Variants in ANXA11 observed in about 807,000 individuals in gnomAD.
ANXA11 encodes 56 kDa autoantigen.
A neutral mutation model predicts 64.7 loss-of-function variants in ANXA11; 57 were observed. The observed-to-expected ratio is 0.88, with a 90% CI of 0.71 to 1.10. The LOEUF is 1.10. Ranked by LOEUF, ANXA11 falls within the 50% of genes least tolerant of loss-of-function variation. The pLI, the probability that ANXA11 is intolerant of heterozygous loss-of-function variation, is 0.00. For synonymous variants in ANXA11, 260 were observed against 265.2 expected, an observed-to-expected ratio of 0.98 and a Z score of 0.19; for missense variants, 675 against 670.7, an observed-to-expected ratio of 1.01 and a Z score of -0.07.
In ANXA11 at chr10:80,152,862, G is replaced by C. The variant is rs1845181003; in HGVS notation, c.*2991C>G. ...CCAGATGGTCACTCTCCCTTACAGG[G>C]GTCAATAGCTTCACTCTCTCTGGGT... On this transcript the variant is annotated 3_prime_UTR_variant, in exon 16 of 16. Coordinates refer to ENST00000422982, the MANE Select transcript of ANXA11 (RefSeq NM_145868.2). 6.6e-6 allele frequency: 1 copy of C among 152,210 alleles called. No homozygotes were observed. The highest frequency in any genetic ancestry group is 1.9e-4 in the East Asian group (1 of 5,194). 9.4% of individuals were successfully genotyped at this position (152,210 alleles called of 1,614,324 possible).
rs541344728 is a variant in ANXA11, at chr10:80,166,282, T to C, written c.745-85A>G. On this transcript the variant is annotated intron_variant, in intron 7 of 15. Transcript: ENST00000422982. Reference sequence around the variant, plus strand: ...CACAGGAAGTGACTAATAAGAGCCATATCCCAGATTTGAGGAACAGCAGCA... The same window carrying C: ...CACAGGAAGTGACTAATAAGAGCCACATCCCAGATTTGAGGAACAGCAGCA... 18 of 768,020 alleles carry C rather than the reference T, an allele frequency of 2.3e-5. No individual in the cohort carries two copies. In the African/African-American group the frequency reaches 3.2e-4, roughly 14 times the overall value. The allele number at this position is 768,020 out of a possible 1,614,324, so 47.6% of individuals were successfully genotyped here.
At chr10:80,200,557 T>TA (rs1320910819) in intron 1 of ANXA11, among the ~76,000 whole-genome samples, 1 of 152,182 alleles carries the variant, frequency 6.6e-6, no homozygotes, top group Non-Finnish European at 1.5e-5. Context: ...AGCTGGACTT[T>TA]AAAAAACTAC....
chr10:80,157,076 A>G, intron 15 of ANXA11: 1 of 981,546 alleles, frequency 1.0e-6, no homozygotes, highest in Non-Finnish European at 1.2e-6. Flanking sequence ...GCCTCACTCA[A>G]TACTCACAAC....
chr10:80,159,703 G>A (rs926477717), intron 12 of ANXA11, among the ~76,000 whole-genome samples: 3 of 152,130 alleles, frequency 2.0e-5, no homozygotes, highest in Admixed American at 6.5e-5. Flanking sequence ...CAGAGTCTTC[G>A]TCACAAGTTA....
At chr10:80,177,885 C>G (rs960942325) in intron 1 of ANXA11, among the ~76,000 whole-genome samples, 5 of 152,182 alleles carry the variant, frequency 3.3e-5, no homozygotes, top group Admixed American at 6.5e-5. Flanking sequence ...CAATCTCCCC[C>G]CAAGCTATCC....
intron 5 of ANXA11, 50 bp from the exon 6 acceptor site, chr10:80,167,363 C>T (rs1297572239): frequency 6.5e-7 from 1 of 1,543,706 alleles, no homozygotes; most frequent in South Asian, 1.1e-5. Context: ...CCGCCTTCCC[C>T]ACATTCAAGG....
intron 3 of ANXA11, among the ~76,000 whole-genome samples, chr10:80,172,227 G>T (rs1337851217): frequency 6.6e-6 from 1 of 152,152 alleles, no homozygotes; most frequent in East Asian, 1.9e-4. Context: ...GGCCAGAGAA[G>T]ACGACTTCTC....
At chr10:80,165,674 T>C (rs897184116) in intron 8 of ANXA11, among the ~76,000 whole-genome samples, 3 of 152,200 alleles carry the variant, frequency 2.0e-5, no homozygotes, top group Non-Finnish European at 2.9e-5. Context: ...TTCTCCACTT[T>C]TGTTGTTCTT....
chr10:80,155,643 T>A lies in ANXA11; in HGVS notation c.*210A>T. The A allele has an allele frequency of 1.8e-6, 1 of 540,612 alleles. No homozygotes were observed. Among genetic ancestry groups the A allele is most frequent in the Non-Finnish European group, 3.3e-6 (1 of 305,704 alleles). The allele number at this position is 540,612 out of a possible 1,614,324, so 33.5% of individuals were successfully genotyped here. A position where few individuals can be genotyped will look rare whatever the true frequency, so the allele number is the denominator to read the frequency against. On this transcript the variant is annotated 3_prime_UTR_variant, in exon 16 of 16. Transcript: ENST00000422982. ...TTTAGCAGCAAGAGGCTGTGAGGGA[T>A]GGGGTAGAAAAGGCATCCTGAGAGA...
intron 1 of ANXA11, among the ~76,000 whole-genome samples, chr10:80,188,309 T>C (rs1262394672): frequency 2.0e-5 from 3 of 151,860 alleles, no homozygotes; most frequent in African/African-American, 7.3e-5. Flanking sequence ...GCCACTGGGA[T>C]GGTACACAGG....
chr10:80,187,542 C>T (rs781131942), intron 1 of ANXA11, among the ~76,000 whole-genome samples: 5 of 146,802 alleles, frequency 3.4e-5, no homozygotes, highest in South Asian at 4.4e-4. Flanking sequence ...CATGTGCGCG[C>T]GTGCACACAC....
intron 1 of ANXA11, among the ~76,000 whole-genome samples, chr10:80,201,000 TG>T (rs1159737820): frequency 1.3e-5 from 2 of 152,148 alleles, no homozygotes; most frequent in Non-Finnish European, 2.9e-5. Context: ...CTTCTGGGAT[TG>T]GAAAGGGAGC....
At position 80,170,754 on chromosome 10, in the gene ANXA11, C is replaced by T. The variant is rs370634827; in HGVS notation, c.171+46G>A. On this transcript the variant is annotated intron_variant, in intron 4 of 15. Coordinates refer to ENST00000422982, the MANE Select transcript of ANXA11 (RefSeq NM_145868.2). ...CCAGCAGCTTTGATTCCTCTGGCCACGCAGGTGTGGCCCCAGGGCTGCCTC... is the reference window on the plus strand; with the variant it reads ...CCAGCAGCTTTGATTCCTCTGGCCATGCAGGTGTGGCCCCAGGGCTGCCTC... 25 of 1,411,424 alleles carry T rather than the reference C, an allele frequency of 1.8e-5. No homozygotes were observed. In the African/African-American group the frequency reaches 2.1e-4, roughly 12 times the overall value. The allele number at this position is 1,411,424 out of a possible 1,614,324, so 87.4% of individuals were successfully genotyped here. A position where few individuals can be genotyped will look rare whatever the true frequency, so the allele number is the denominator to read the frequency against.
intron 1 of ANXA11, among the ~76,000 whole-genome samples, chr10:80,189,057 G>A (rs1846662516): frequency 6.6e-6 from 1 of 152,178 alleles, no homozygotes. Context: ...ACCTGTGAAT[G>A]CGTTACTTTA....
intron 1 of ANXA11, among the ~76,000 whole-genome samples, chr10:80,191,128 G>C (rs1050994301): frequency 4.6e-5 from 7 of 152,082 alleles, no homozygotes; most frequent in Middle Eastern, 3.2e-3. Context: ...GAGAGGCTGA[G>C]GCAGGAGAAT....
At chr10:80,198,022 T>C (rs1840251511) in intron 1 of ANXA11, among the ~76,000 whole-genome samples, 1 of 151,950 alleles carries the variant, frequency 6.6e-6, no homozygotes, top group Non-Finnish European at 1.5e-5. Flanking sequence ...CAATGGAGTA[T>C]GCGGATGCCA....
intron 2 of ANXA11, chr10:80,173,162 T>G: frequency 2.4e-6 from 1 of 421,008 alleles, no homozygotes; most frequent in Non-Finnish European, 4.3e-6. Flanking sequence ...GCCCTCTCAC[T>G]GAAGCTTTGC....
Position 80,157,654 on chromosome 10 carries a change from T to C in ANXA11, c.1445A>G (p.Tyr482Cys). The change falls in exon 15 of 16, where the codon TAC (tyrosine) becomes TGC (cysteine). Residue 482 changes from tyrosine to cysteine, a missense_variant. By Grantham distance (194) the Tyr-to-Cys change is radical. Coordinates refer to ENST00000422982, the MANE Select transcript of ANXA11 (RefSeq NM_145868.2). Reference sequence around the variant, plus strand: ...GCAGGCCCGTACCGAGATGTCGTGGTACAGCGACTTGCCGTACATCCGCTT... The same window carrying C: ...GCAGGCCCGTACCGAGATGTCGTGGCACAGCGACTTGCCGTACATCCGCTT... ...EYKRMYGKSLYHDISGDTSGD... is the reference protein window; with the variant it reads ...EYKRMYGKSLCHDISGDTSGD... 2 of 1,613,710 alleles carry C rather than the reference T, an allele frequency of 1.2e-6. No homozygotes were observed. Among genetic ancestry groups the C allele is most frequent in the Non-Finnish European group, 1.7e-6 (2 of 1,179,774 alleles).
At chr10:80,163,271 G>A (rs1293472040) in intron 11 of ANXA11, 78 bp downstream of exon 11, 2 of 1,535,400 alleles carry the variant, frequency 1.3e-6, no homozygotes, top group African/African-American at 1.4e-5. Flanking sequence ...TTCCACCCTA[G>A]GGTACCTCTC....
Sources: allele counts gnomAD v4.1 joint callset (sites outside exome capture counted in the v4.1 genomes callset), GRCh38; gene constraint gnomAD v4.1.1; transcripts MANE v1.5; gene names NCBI Gene and HGNC (gene_info 2026-07-23, HGNC 2026-07-21).